Variants in ELF5 observed in about 807,000 individuals in gnomAD.
ELF5 encodes E74 like ETS transcription factor 5.
In ELF5, 31 loss-of-function variants were observed where a neutral mutation model predicts 38.2. That is an observed-to-expected ratio of 0.81 (90% confidence interval 0.61 to 1.10). The LOEUF (loss-of-function observed/expected upper bound fraction) is 1.10. Among genes scored for constraint, ELF5 ranks in the 50% least tolerant of loss-of-function variants. The pLI, the probability that ELF5 is intolerant of heterozygous loss-of-function variation, is 0.00. For missense variants in ELF5, 300 were observed against 306.6 expected, an observed-to-expected ratio of 0.98 and a Z score of 0.16; for synonymous variants, 121 against 112.5, an observed-to-expected ratio of 1.08 and a Z score of -0.48.
intron 2 of ELF5, among the ~76,000 whole-genome samples, chr11:34,496,254 G>A (rs1850317306): frequency 6.6e-6 from 1 of 152,192 alleles, no homozygotes; most frequent in Admixed American, 6.5e-5. Flanking sequence ...CCCACAGAGC[G>A]GCTTTGTGTG....
At chr11:34,505,788 G>T (rs1455692970) in intron 1 of ELF5, 35 bp from the exon 2 acceptor site, 3 of 1,605,670 alleles carry the variant, frequency 1.9e-6, no homozygotes. Context: ...GGAGGCTGGG[G>T]TGAGGTACTC....
In ELF5 at chr11:34,480,905, A is replaced by T; in HGVS notation, c.538T>A (p.Cys180Ser). 1.2e-6 allele frequency: 2 copies of T among 1,614,166 alleles called. No homozygotes were observed. The highest frequency in any genetic ancestry group is 2.2e-5 in the South Asian group (2 of 91,088). Residue 180 changes from cysteine (C) to serine (S), a missense_variant, in exon 6 of 7, where the codon TGT becomes AGT. Physicochemically the swap from Cys to Ser is moderately radical, Grantham distance 112. Transcript: ENST00000257832. The stretch of plus-strand genomic sequence containing the variant: ...CTATCTTCCCATTCCAGAATGCCAC[A>T]GTTTTCTTCAGGAGATAGAAGCAGG... ...RDLLLSPEEN[C>S]GILEWEDREQ... is the part of the protein sequence containing the mutation.
chr11:34,490,192 T>C, intron 3 of ELF5, 133 bp from the exon 4 acceptor site: 1 of 929,566 alleles, frequency 1.1e-6, no homozygotes, highest in South Asian at 1.3e-5. Context: ...AGAGGGAACC[T>C]TGGAGACCAT....
chr11:34,494,057 C>T (rs1228171995), intron 2 of ELF5, among the ~76,000 whole-genome samples: 1 of 152,230 alleles, frequency 6.6e-6, no homozygotes, highest in African/African-American at 2.4e-5. Flanking sequence ...AAAGCACAAA[C>T]TCAGCTGTTT....
At chr11:34,495,980 T>G (rs1049913184) in intron 2 of ELF5, among the ~76,000 whole-genome samples, 1 of 152,254 alleles carries the variant, frequency 6.6e-6, no homozygotes, top group Admixed American at 6.5e-5. Flanking sequence ...CTGCCCTAGA[T>G]GGCCATCGGT....
intron 1 of ELF5, among the ~76,000 whole-genome samples, chr11:34,506,878 A>G (rs572073966): frequency 6.6e-6 from 1 of 152,326 alleles, no homozygotes; most frequent in Admixed American, 6.5e-5. Context: ...TAATTCTGAA[A>G]TCTGAAAGCT....
At chr11:34,492,146 C>G (rs1850194538) in intron 3 of ELF5, 1 of 152,270 alleles carries the variant, frequency 6.6e-6, no homozygotes, top group Non-Finnish European at 1.5e-5. Context: ...GCCGTTGTGA[C>G]TTGGTCAAAC....
At position 34,487,303 on chromosome 11, in the gene ELF5, G is replaced by A. The variant is rs148018457; in HGVS notation, c.406+2706C>T. Among the ~76,000 whole-genome samples the A allele has an allele frequency of 5.1e-4, 78 of 152,172 alleles. 1 individual carries two copies. The East Asian group carries it at 0.015, about 29-fold the overall frequency. ...CTAGGCTCCCAAATGGAGCAGACAG[G>A]GAAGAGCCCATGGCACCAACCATCA... On this transcript the variant is annotated intron_variant, in intron 4 of 6. Coordinates refer to ENST00000257832, the MANE Select transcript of ELF5 (RefSeq NM_001422.4).
intron 2 of ELF5, among the ~76,000 whole-genome samples, chr11:34,504,299 C>T (rs904951498): frequency 6.6e-6 from 1 of 152,198 alleles, no homozygotes; most frequent in Non-Finnish European, 1.5e-5. Context: ...AAACAAGGTG[C>T]TTCTTAGGCC....
chr11:34,480,771 C>T lies in ELF5; in HGVS notation c.671+1G>A. 1.2e-6 allele frequency: 2 copies of T among 1,613,798 alleles called. No homozygotes were observed. Among genetic ancestry groups the T allele is most frequent in the East Asian group, 2.2e-5 (1 of 44,852 alleles). ...CATAGTATTTTATGCTATTAACTTA[C>T]CTCAGGGCTCTGCTCAACTTTTCAT... is the stretch of plus-strand genomic sequence containing the variant. On this transcript the variant is annotated splice_donor_variant, in intron 6 of 6. Transcript: ENST00000257832. LOFTEE classifies it high-confidence loss of function.
In ELF5 at chr11:34,478,922, T is replaced by A. The variant is rs1381640096; in HGVS notation, c.*1296A>T. On this transcript the variant is annotated 3_prime_UTR_variant, in exon 7 of 7. Coordinates refer to ENST00000257832, the MANE Select transcript of ELF5 (RefSeq NM_001422.4). ...AAGTTACTTTGAAGTTCAACTCTAATAAGGAGGTCTTCAGCCTGTACAGCG... is the reference window on the plus strand; with the variant it reads ...AAGTTACTTTGAAGTTCAACTCTAAAAAGGAGGTCTTCAGCCTGTACAGCG... The A allele has an allele frequency of 6.6e-6, 1 of 152,660 alleles. No homozygotes were observed. The highest frequency in any genetic ancestry group is 1.5e-5 in the Non-Finnish European group (1 of 68,048). 9.5% of individuals were successfully genotyped at this position (152,660 alleles called of 1,614,324 possible).
At chr11:34,482,147 T>C (rs1161243738) in intron 5 of ELF5, among the ~76,000 whole-genome samples, 1 of 152,248 alleles carries the variant, frequency 6.6e-6, no homozygotes, top group Non-Finnish European at 1.5e-5. Flanking sequence ...ACTACGATCA[T>C]GTCTTTCATA....
chr11:34,485,514 C>T (rs1849966648), intron 4 of ELF5, among the ~76,000 whole-genome samples: 1 of 152,182 alleles, frequency 6.6e-6, no homozygotes, highest in African/African-American at 2.4e-5. Flanking sequence ...GCCAAAATGG[C>T]AAGAAGTGGG....
rs72558004 is a variant in ELF5 at position 34,480,278 on chromosome 11, G to A, written c.708C>T (p.Asp236=). The change falls in exon 7 of 7, where the codon GAC becomes GAT. Residue 236 remains aspartate (D), a synonymous_variant. Transcript: ENST00000257832. ...TTCCAAATTTGTACACTAACCTTCG[G>A]TCAACCCGCTCCAAAATTCCTGTTT... is the stretch of plus-strand genomic sequence containing the variant. ...YYKTGILERV[D]RRLVYKFGKN... 11 of 1,613,874 alleles carry A rather than the reference G, an allele frequency of 6.8e-6. No homozygotes were observed. In the East Asian group the frequency reaches 2.5e-4, roughly 36 times the overall value.
At chr11:34,485,328 C>T (rs935177713) in intron 4 of ELF5, among the ~76,000 whole-genome samples, 3 of 152,152 alleles carry the variant, frequency 2.0e-5, no homozygotes, top group Non-Finnish European at 4.4e-5. Context: ...ATTTGTTGAG[C>T]ATTTGCTATT....
At chr11:34,504,622 T>A (rs1449814179) in intron 2 of ELF5, among the ~76,000 whole-genome samples, 1 of 152,186 alleles carries the variant, frequency 6.6e-6, no homozygotes, top group African/African-American at 2.4e-5. Flanking sequence ...CTACATGGGG[T>A]TAACACTCAG....
intron 2 of ELF5, among the ~76,000 whole-genome samples, chr11:34,496,388 T>C (rs1029951754): frequency 7.4e-6 from 1 of 134,770 alleles, no homozygotes; most frequent in East Asian, 2.3e-4. Context: ...GCAGGCCTCT[T>C]TTCCGGGGGT....
intron 3 of ELF5, 59 bp from the exon 4 acceptor site, chr11:34,490,118 G>C: frequency 6.3e-7 from 1 of 1,578,236 alleles, no homozygotes; most frequent in Non-Finnish European, 8.7e-7. Context: ...CCACTGGCCA[G>C]GCCAGGAGAG....
chr11:34,500,038 A>G (rs1478654553), intron 2 of ELF5, among the ~76,000 whole-genome samples: 1 of 152,166 alleles, frequency 6.6e-6, no homozygotes, highest in Non-Finnish European at 1.5e-5. Context: ...AATGACAGTA[A>G]GTTTTCAGTA....
Sources: allele counts gnomAD v4.1 joint callset (sites outside exome capture counted in the v4.1 genomes callset), GRCh38; gene constraint gnomAD v4.1.1; transcripts MANE v1.5; gene names NCBI Gene and HGNC (gene_info 2026-07-23, HGNC 2026-07-21).